Variants in TOGARAM2 observed in about 807,000 individuals in gnomAD.
TOGARAM2 encodes the protein TOG array regulator of axonemal microtubules protein 2.
A neutral mutation model predicts 93.3 loss-of-function variants in TOGARAM2; 85 were observed. That is an observed-to-expected ratio of 0.91 (90% CI 0.76 to 1.09). The LOEUF (loss-of-function observed/expected upper bound fraction) is 1.09. Ranked by LOEUF, TOGARAM2 falls within the 50% of genes least tolerant of loss-of-function variation. The pLI is 0.00. For missense variants in TOGARAM2, 1,277 were observed against 1,334.5 expected, an observed-to-expected ratio of 0.96 and a Z score of 0.67; for synonymous variants, 593 against 552.8, an observed-to-expected ratio of 1.07 and a Z score of -1.02.
intron 6 of TOGARAM2, among the ~76,000 whole-genome samples, chr2:29,006,656 C>T (rs1003953331): frequency 3.3e-5 from 5 of 152,106 alleles, no homozygotes; most frequent in Non-Finnish European, 7.4e-5. Context: ...CTGGTGCCTT[C>T]CCTCTGTGCA....
chr2:28,963,056 G>A lies in TOGARAM2; in HGVS notation c.-147+6359G>A, dbSNP rs187350822. On this transcript the variant is annotated intron_variant, in intron 1 of 6. Coordinates refer to the TOGARAM2 transcript ENST00000401723. ...TTGCCCAGGCTAGTCTTGAACTCCT[G>A]GGCTCACGTGATCTTCCCACCTCAG... Among the ~76,000 whole-genome samples, 196 of 151,920 alleles carry A rather than the reference G, an allele frequency of 1.3e-3. 1 individual carries two copies. The highest frequency in any genetic ancestry group is 2.3e-3 in the Non-Finnish European group (157 of 67,942).
chr2:29,037,612 C>G (rs1666197643), intron 18 of TOGARAM2, among the ~76,000 whole-genome samples: 1 of 152,142 alleles, frequency 6.6e-6, no homozygotes, highest in African/African-American at 2.4e-5. Flanking sequence ...TGGCCTGAGC[C>G]CAGCTCCCTG....
intron 1 of TOGARAM2, among the ~76,000 whole-genome samples, chr2:28,989,195 T>C (rs1467055648): frequency 6.6e-6 from 1 of 151,730 alleles, no homozygotes; most frequent in African/African-American, 2.4e-5. Flanking sequence ...GATTAAAGAC[T>C]TGTGCTACCA....
rs1280745935 is a variant in TOGARAM2 at position 29,034,401 on chromosome 2, T to C, written c.2225+838T>C. ...TCAGGGTGACAGGCTGGCCTGTTCT[T>C]CATACCTCTGTCAGCCCCGTTGATG... On this transcript the variant is annotated intron_variant, in intron 16 of 19. Transcript: ENST00000379558. Among the ~76,000 whole-genome samples the C allele has an allele frequency of 2.0e-5, 3 of 152,370 alleles. No homozygotes were observed. The East Asian group carries it at 5.8e-4, about 29-fold the overall frequency.
At chr2:29,024,102 G>A in intron 12 of TOGARAM2, 37 bp from the exon 13 acceptor site, 1 of 1,536,914 alleles carries the variant, frequency 6.5e-7, no homozygotes, top group Non-Finnish European at 8.8e-7. Context: ...CCTTGGCAGG[G>A]TCCAGCACCC....
intron 18 of TOGARAM2, among the ~76,000 whole-genome samples, chr2:29,038,786 A>T (rs1039077644): frequency 6.6e-6 from 1 of 152,202 alleles, no homozygotes; most frequent in Non-Finnish European, 1.5e-5. Flanking sequence ...GAGCAGGTGA[A>T]GCATGGGCTA....
rs149705606 is a variant in TOGARAM2 at position 29,011,812 on chromosome 2, C to T, written c.877+311C>T. Among the ~76,000 whole-genome samples, 53 of 152,336 alleles carry T rather than the reference C, an allele frequency of 3.5e-4. No homozygotes were observed. In the Middle Eastern group the frequency reaches 0.014, roughly 39 times the overall value. ...ATTCTGGCCGTGTGTGACAGACGAG[C>T]TGGCACACGAAGGCTCTGTGAGCAG... On this transcript the variant is annotated intron_variant, in intron 7 of 19. Transcript: ENST00000379558.
At chr2:28,999,600 T>TGTACCC in intron 4 of TOGARAM2, 132 bp downstream of exon 4, 4 of 1,033,620 alleles carry the variant, frequency 3.9e-6, no homozygotes, top group Non-Finnish European at 4.1e-6. Context: ...GGTGGGTACA[T>TGTACCC]ACCAGGTACC....
chr2:29,040,173 A>G (rs556291292), intron 18 of TOGARAM2, among the ~76,000 whole-genome samples: 1 of 152,356 alleles, frequency 6.6e-6, no homozygotes, highest in East Asian at 1.9e-4. Flanking sequence ...GTCTATATAC[A>G]AATTTCCCTT....
chr2:29,041,290 C>G (rs1666420583), intron 18 of TOGARAM2, among the ~76,000 whole-genome samples: 1 of 152,174 alleles, frequency 6.6e-6, no homozygotes, highest in Non-Finnish European at 1.5e-5. Flanking sequence ...TCCCAAAGTG[C>G]TGGGATGACA....
At chr2:28,958,163 T>G (rs1490141806) in intron 1 of TOGARAM2, among the ~76,000 whole-genome samples, 3 of 152,208 alleles carry the variant, frequency 2.0e-5, no homozygotes, top group Non-Finnish European at 4.4e-5. Context: ...AGAACTGAGG[T>G]CCTTGATTGG....
intron 1 of TOGARAM2, among the ~76,000 whole-genome samples, chr2:28,993,319 A>G (rs1036877155): frequency 2.0e-5 from 3 of 152,190 alleles, no homozygotes; most frequent in Admixed American, 2.0e-4. Flanking sequence ...ACAGCCCCCA[A>G]ATCCCAGGAC....
At chr2:29,029,494 C>T (rs370298064) in intron 14 of TOGARAM2, among the ~76,000 whole-genome samples, 15 of 152,152 alleles carry the variant, frequency 9.9e-5, no homozygotes, top group African/African-American at 2.2e-4. Context: ...CGGTGGCTCA[C>T]GCCTGTAATC....
intron 16 of TOGARAM2, among the ~76,000 whole-genome samples, chr2:29,035,134 G>C (rs111634144): frequency 0.019 from 2,564 of 136,060 alleles, 76 homozygotes; most frequent in African/African-American, 0.061. Context: ...TGGGCAGCAA[G>C]AGCGAGACTC....
intron 1 of TOGARAM2, among the ~76,000 whole-genome samples, chr2:28,986,440 G>T (rs1302359245): frequency 6.6e-6 from 1 of 152,184 alleles, no homozygotes; most frequent in African/African-American, 2.4e-5. Context: ...GCATAAAACA[G>T]TTGGGAAGTG....
At chr2:28,990,470 C>T (rs142793385) in intron 1 of TOGARAM2, among the ~76,000 whole-genome samples, 221 of 152,286 alleles carry the variant, frequency 1.5e-3, no homozygotes, top group Admixed American at 3.2e-3. Context: ...GCCCTCATCC[C>T]GCTCCCCGGG....
chr2:29,002,012 C>T (rs893022583), intron 4 of TOGARAM2, among the ~76,000 whole-genome samples: 1 of 152,106 alleles, frequency 6.6e-6, no homozygotes, highest in African/African-American at 2.4e-5. Context: ...TGTTGGGCAC[C>T]TAAAGCATTC....
At chr2:29,042,638 A>G (rs192816550) in intron 18 of TOGARAM2, among the ~76,000 whole-genome samples, 3 of 152,304 alleles carry the variant, frequency 2.0e-5, no homozygotes, top group Non-Finnish European at 2.9e-5. Context: ...TCAGCTGCTT[A>G]GTCTGTTGGC....
chr2:29,043,420 C>A (rs1457597325), intron 18 of TOGARAM2, among the ~76,000 whole-genome samples: 1 of 152,122 alleles, frequency 6.6e-6, no homozygotes, highest in East Asian at 1.9e-4. Flanking sequence ...AATGCAGGGG[C>A]TCTGTGCTGA....
Sources: allele counts gnomAD v4.1 joint callset (sites outside exome capture counted in the v4.1 genomes callset), GRCh38; gene constraint gnomAD v4.1.1; transcripts MANE v1.5; gene names NCBI Gene and HGNC (gene_info 2026-07-23, HGNC 2026-07-21).